NUDT3: variants seen among roughly 807,000 people sequenced by gnomAD.
NUDT3 encodes the protein nudix hydrolase 3.
In NUDT3, 9 loss-of-function variants were observed where a neutral mutation model predicts 23.6. That is an observed-to-expected ratio of 0.38 (90% CI 0.23 to 0.66). The LOEUF is 0.66. Among genes scored for constraint, NUDT3 ranks in the 30% least tolerant of loss-of-function variants. The probability of loss-of-function intolerance (pLI) is 0.52; values close to 1 mark genes in which losing one functional copy is unlikely to be tolerated. For missense variants in NUDT3, 172 were observed against 218.5 expected, an observed-to-expected ratio of 0.79 and a Z score of 1.34; for synonymous variants, 86 against 82.6, an observed-to-expected ratio of 1.04 and a Z score of -0.22.
intron 1 of NUDT3, among the ~76,000 whole-genome samples, chr6:34,376,595 T>C (rs1425394670): frequency 1.3e-5 from 2 of 152,124 alleles, no homozygotes; most frequent in African/African-American, 4.8e-5. Context: ...CTTTAACATA[T>C]CATCTGTTAC....
intron 2 of NUDT3, among the ~76,000 whole-genome samples, chr6:34,308,632 G>GC (rs919230279): frequency 6.6e-6 from 1 of 152,040 alleles, no homozygotes; most frequent in Admixed American, 6.6e-5. Context: ...TCAAATGCAA[G>GC]CAGGAGTAAC....
intron 1 of NUDT3, among the ~76,000 whole-genome samples, chr6:34,373,322 T>C (rs969000135): frequency 2.1e-5 from 2 of 95,084 alleles, no homozygotes; most frequent in Admixed American, 2.7e-4. Context: ...TTAGGATAAA[T>C]TGCATATTAT....
chr6:34,320,248 C>T lies in NUDT3; in HGVS notation c.210+21614G>A, dbSNP rs529883576. Among the ~76,000 whole-genome samples, 13 of 151,774 alleles carry T rather than the reference C, an allele frequency of 8.6e-5. No individual in the cohort carries two copies. The South Asian group carries it at 1.2e-3, about 15-fold the overall frequency. On this transcript the variant is annotated intron_variant, in intron 2 of 4. Transcript: ENST00000607016. Reference sequence around the variant, plus strand: ...TTTTCTGCTCTTTTTTTTTTGGAGACGGAGTCTCGTATGGTTGCCTGGGCT... The same window carrying T: ...TTTTCTGCTCTTTTTTTTTTGGAGATGGAGTCTCGTATGGTTGCCTGGGCT...
chr6:34,384,980 G>C (rs976094279), intron 1 of NUDT3, among the ~76,000 whole-genome samples: 1 of 148,564 alleles, frequency 6.7e-6, no homozygotes, highest in East Asian at 2.0e-4. Flanking sequence ...AGTGACCTGA[G>C]ATCGCATTAC....
Position 34,280,956 on chromosome 6 carries a change from C to T in NUDT3, c.*7797G>A, listed in dbSNP as rs1763272819. 1 of 152,198 alleles carries T rather than the reference C, an allele frequency of 6.6e-6. No homozygotes were observed. The highest frequency in any genetic ancestry group is 1.5e-5 in the Non-Finnish European group (1 of 68,034). 9.4% of individuals were successfully genotyped at this position (152,198 alleles called of 1,614,324 possible). A position where few individuals can be genotyped will look rare whatever the true frequency, so the allele number is the denominator to read the frequency against. ...GAAATACTTTTGTCCTCTAGAAAAA[C>T]TTAACTCAATACATCTTGGCTACTT... is the stretch of plus-strand genomic sequence containing the variant. On this transcript the variant is annotated 3_prime_UTR_variant, in exon 5 of 5. Coordinates refer to ENST00000607016, the MANE Select transcript of NUDT3 (RefSeq NM_006703.4).
At position 34,391,463 on chromosome 6, in the gene NUDT3, T is replaced by A. The variant is rs572977931; in HGVS notation, c.99+801A>T. ...GCTTTGGGAAGCCGAGATTTTTTTTTAAAGTACCCTACCTATTATAAAAAG... is the reference window on the plus strand; with the variant it reads ...GCTTTGGGAAGCCGAGATTTTTTTTAAAAGTACCCTACCTATTATAAAAAG... On this transcript the variant is annotated intron_variant, in intron 1 of 4. Transcript: ENST00000607016. 2.3e-3 allele frequency among the ~76,000 whole-genome samples: 357 copies of A among 152,314 alleles called. 5 individuals carry two copies. The highest frequency in any genetic ancestry group is 2.9e-3 in the Non-Finnish European group (197 of 68,026).
intron 3 of NUDT3, among the ~76,000 whole-genome samples, chr6:34,295,190 T>A (rs894546843): frequency 1.3e-5 from 2 of 152,094 alleles, no homozygotes; most frequent in Non-Finnish European, 2.9e-5. Context: ...TCTTTTTTTT[T>A]TAAAGCATGT....
intron 1 of NUDT3, among the ~76,000 whole-genome samples, chr6:34,373,753 T>C (rs1249382025): frequency 6.6e-6 from 1 of 152,236 alleles, no homozygotes; most frequent in Non-Finnish European, 1.5e-5. Flanking sequence ...CAGCAATAGA[T>C]GCTGCTGAAG....
intron 4 of NUDT3, among the ~76,000 whole-genome samples, chr6:34,291,819 T>TA (rs1763427304): frequency 6.6e-6 from 1 of 152,214 alleles, no homozygotes; most frequent in African/African-American, 2.4e-5. Context: ...AGGGTGGTGT[T>TA]AAACTATGGT....
At chr6:34,296,633 A>T (rs1470676458) in intron 2 of NUDT3, among the ~76,000 whole-genome samples, 3 of 152,174 alleles carry the variant, frequency 2.0e-5, no homozygotes, top group African/African-American at 7.2e-5. Context: ...TCATTCACTT[A>T]TTCATTCAAC....
chr6:34,295,761 T>C (rs1763489833), intron 2 of NUDT3, 76 bp from the exon 3 acceptor site: 1 of 1,575,242 alleles, frequency 6.3e-7, no homozygotes, highest in Admixed American at 1.8e-5. Context: ...CTTAAGCAGT[T>C]TATAAAATAG....
intron 1 of NUDT3, among the ~76,000 whole-genome samples, chr6:34,357,252 TGAG>T (rs1179336891): frequency 3.3e-5 from 5 of 152,092 alleles, no homozygotes; most frequent in Admixed American, 6.6e-5. Flanking sequence ...TGAAGCTGAC[TGAG>T]GAGTACATGG....
At chr6:34,377,761 A>G (rs553012758) in intron 1 of NUDT3, among the ~76,000 whole-genome samples, 2 of 150,822 alleles carry the variant, frequency 1.3e-5, no homozygotes, top group South Asian at 4.2e-4. Flanking sequence ...TGACCCTGGG[A>G]GGCAGAGGTG....
At chr6:34,353,071 T>C (rs1178710491) in intron 1 of NUDT3, among the ~76,000 whole-genome samples, 1 of 152,218 alleles carries the variant, frequency 6.6e-6, no homozygotes, top group Non-Finnish European at 1.5e-5. Flanking sequence ...TTCTCTTAAC[T>C]CTGTCCCAAG....
At chr6:34,384,240 A>C (rs1765068741) in intron 1 of NUDT3, among the ~76,000 whole-genome samples, 1 of 152,210 alleles carries the variant, frequency 6.6e-6, no homozygotes. Flanking sequence ...GAAGGATCTG[A>C]GAAAATGTGA....
Position 34,392,252 on chromosome 6 carries a change from C to T in NUDT3, c.99+12G>A, listed in dbSNP as rs776121661. ...ACCCGGCGACCCCGGCCCGCCCAGC[C>T]TGCCGCCTCACCTCCTCCTCGCTCT... On this transcript the variant is annotated intron_variant, in intron 1 of 4. Transcript: ENST00000607016. 3.2e-5 allele frequency: 51 copies of T among 1,579,456 alleles called. No individual in the cohort carries two copies. The East Asian group carries it at 1.2e-3, about 36-fold the overall frequency.
intron 1 of NUDT3, among the ~76,000 whole-genome samples, chr6:34,390,541 T>A (rs922965385): frequency 4.5e-4 from 68 of 152,218 alleles, no homozygotes; most frequent in African/African-American, 6.0e-4. Flanking sequence ...TATTATTATT[T>A]TTTTTTATAT....
rs201220274 is a variant in NUDT3, at chr6:34,348,666, C to T, written c.100-6694G>A. Among the ~76,000 whole-genome samples, 143 of 151,976 alleles carry T rather than the reference C, an allele frequency of 9.4e-4. No homozygotes were observed. In the East Asian group the frequency reaches 0.011, roughly 11 times the overall value. Reference sequence around the variant, plus strand: ...TGGCGGGCGCCTGTAGTCCCAGCTACTCAGGAGGCTGAGGCAGGAGAATGG... The same window carrying T: ...TGGCGGGCGCCTGTAGTCCCAGCTATTCAGGAGGCTGAGGCAGGAGAATGG... On this transcript the variant is annotated intron_variant, in intron 1 of 4. Transcript: ENST00000607016.
intron 4 of NUDT3, among the ~76,000 whole-genome samples, chr6:34,290,623 T>C (rs909391400): frequency 2.7e-5 from 4 of 150,692 alleles, no homozygotes; most frequent in South Asian, 2.1e-4. Context: ...ACCCAGGAGG[T>C]TGAGGCTGCA....
Sources: gnomAD v4.1 joint callset for allele counts (sites outside exome capture counted in the v4.1 genomes callset) on GRCh38, gnomAD v4.1.1 for gene constraint, MANE v1.5 for transcripts, NCBI Gene and HGNC (gene_info 2026-07-23, HGNC 2026-07-21) for gene names.